Variants in SLC5A12 observed in about 807,000 individuals in gnomAD.
SLC5A12 encodes the protein solute carrier family 5 member 12, also known as sodium-coupled monocarboxylate transporter 2.
A neutral mutation model predicts 72.7 loss-of-function variants in SLC5A12; 46 were observed. The observed-to-expected ratio is 0.63, with a 90% CI of 0.50 to 0.81. The LOEUF (loss-of-function observed/expected upper bound fraction) is 0.81, where lower values mean the gene tolerates loss of function less well. Among genes scored for constraint, SLC5A12 ranks in the 30% least tolerant of loss-of-function variants. The pLI, the probability that SLC5A12 is intolerant of heterozygous loss-of-function variation, is 0.00. For missense variants in SLC5A12, 683 were observed against 740.7 expected (o/e 0.92, Z 0.90); for synonymous variants, 275 against 264.4 (o/e 1.04, Z -0.39).
upstream of SLC5A12, among the ~76,000 whole-genome samples, chr11:26,722,826 G>T (rs1350770426): frequency 6.7e-6 from 1 of 150,368 alleles, no homozygotes; most frequent in East Asian, 1.9e-4. Context: ...TCCTTCTTCA[G>T]TGGCCTTCTC....
intron 1 of SLC5A12, among the ~76,000 whole-genome samples, chr11:26,719,750 T>A (rs1220947102): frequency 6.6e-6 from 1 of 152,208 alleles, no homozygotes; most frequent in Non-Finnish European, 1.5e-5. Flanking sequence ...ATGATCACCC[T>A]CTATGAATAT....
rs1855493942 is a variant in SLC5A12, at chr11:26,722,045, C to A, written c.-331G>T. ...TTCAGATGTGTTCTGAAATTAATAA[C>A]CACTGGGGGTGGAATGGACTGGCCA... On this transcript the variant is annotated 5_prime_UTR_variant, in exon 1 of 15. Coordinates refer to ENST00000396005, the MANE Select transcript of SLC5A12 (RefSeq NM_178498.4). 1 of 263,260 alleles carries A rather than the reference C, an allele frequency of 3.8e-6. No homozygotes were observed. The highest frequency in any genetic ancestry group is 4.9e-5 in the Admixed American group (1 of 20,582). The allele number at this position is 263,260 out of a possible 1,614,324, so 16.3% of individuals were successfully genotyped here. A position where few individuals can be genotyped will look rare whatever the true frequency, so the allele number is the denominator to read the frequency against.
In SLC5A12 at chr11:26,721,847, A is replaced by G; in HGVS notation, c.-133T>C. 1.3e-6 allele frequency: 1 copy of G among 785,610 alleles called. No individual in the cohort carries two copies. The highest frequency in any genetic ancestry group is 2.5e-5 in the East Asian group (1 of 40,798). 48.7% of individuals were successfully genotyped at this position (785,610 alleles called of 1,614,324 possible). On this transcript the variant is annotated 5_prime_UTR_variant, in exon 1 of 15. Transcript: ENST00000396005. ...TGATTCCCTGAAGAAAATGATTACC[A>G]GAGGCACTCGTGTGAATCTTCAGAC...
chr11:26,715,614 C>T (rs553506480), intron 1 of SLC5A12, among the ~76,000 whole-genome samples: 1 of 152,244 alleles, frequency 6.6e-6, no homozygotes, highest in South Asian at 2.1e-4. Context: ...CATTCAAATC[C>T]TTGTTTCAGG....
rs751194097 is a variant in SLC5A12, at chr11:26,686,457, T to C, written c.1221+20A>G. 19 of 1,612,910 alleles carry C rather than the reference T, an allele frequency of 1.2e-5. No homozygotes were observed. In the East Asian group the frequency reaches 3.6e-4, roughly 30 times the overall value. On this transcript the variant is annotated intron_variant, in intron 10 of 14. Transcript: ENST00000396005. ...GGAAGTTCCAGTGAAACCAAATGTG[T>C]CTTTTCCTTCTTTCGTTACCTGCAC...
intron 12 of SLC5A12, among the ~76,000 whole-genome samples, chr11:26,680,708 T>A (rs1406408238): frequency 6.6e-6 from 1 of 152,096 alleles, no homozygotes; most frequent in Non-Finnish European, 1.5e-5. Flanking sequence ...ATAAGCATTA[T>A]CCTCATTGCT....
At chr11:26,691,763 AC>A (rs1157633110) in intron 9 of SLC5A12, 2 of 152,242 alleles carry the variant, frequency 1.3e-5, no homozygotes, top group South Asian at 2.1e-4. Context: ...TAAAAAGTAA[AC>A]CTTGTGAAAC....
intron 11 of SLC5A12, among the ~76,000 whole-genome samples, chr11:26,681,964 T>C (rs1170507076): frequency 6.6e-6 from 1 of 152,052 alleles, no homozygotes; most frequent in African/African-American, 2.4e-5. Flanking sequence ...TTCTCCATTA[T>C]TGTTTGAAGA....
chr11:26,698,344 C>A, intron 7 of SLC5A12, 62 bp downstream of exon 7: 1 of 1,576,318 alleles, frequency 6.3e-7, no homozygotes, highest in South Asian at 1.2e-5. Context: ...CAAGATTATC[C>A]ACCAATAGCT....
chr11:26,717,748 T>A (rs1016474385), intron 1 of SLC5A12, among the ~76,000 whole-genome samples: 5 of 152,184 alleles, frequency 3.3e-5, no homozygotes, highest in Non-Finnish European at 7.3e-5. Context: ...ATCAGGACTT[T>A]CATGTAGCTT....
At chr11:26,711,426 T>C (rs1855226457) in intron 2 of SLC5A12, 68 bp from the exon 3 acceptor site, 1 of 1,220,428 alleles carries the variant, frequency 8.2e-7, no homozygotes, top group South Asian at 1.3e-5. Context: ...GCCTAGAAAG[T>C]TCTTTATCGA....
At chr11:26,704,071 T>G (rs1319706973) in intron 4 of SLC5A12, 124 bp from the exon 5 acceptor site, 1 of 987,642 alleles carries the variant, frequency 1.0e-6, no homozygotes. Context: ...ACTGAGGATC[T>G]TTTATGTGCC....
At chr11:26,673,634 G>A in intron 13 of SLC5A12, 105 bp from the exon 14 acceptor site, 5 of 1,388,960 alleles carry the variant, frequency 3.6e-6, no homozygotes, top group Non-Finnish European at 1.9e-6. Flanking sequence ...TTTAGAATAA[G>A]AGTGAAAACA....
chr11:26,671,047 T>TGGTGTGTG lies in SLC5A12; in HGVS notation c.*54_*55insCACACACC. On this transcript the variant is annotated 3_prime_UTR_variant, in exon 15 of 15. Transcript: ENST00000396005. Reference sequence around the variant, plus strand: ...CAAGTAGGCAAGAAGTATGTGGAGTTTGTGTGTGTGTGTGTGTATTGCACG... The same window carrying TGGTGTGTG: ...CAAGTAGGCAAGAAGTATGTGGAGTTGGTGTGTGTGTGTGTGTGTGTGTGTATTGCACG... 4 of 1,354,116 alleles carry TGGTGTGTG rather than the reference T, an allele frequency of 3.0e-6. No homozygotes were observed. Among genetic ancestry groups the TGGTGTGTG allele is most frequent in the Non-Finnish European group, 4.0e-6 (4 of 991,516 alleles). 83.9% of individuals were successfully genotyped at this position (1,354,116 alleles called of 1,614,324 possible). A position where few individuals can be genotyped will look rare whatever the true frequency, so the allele number is the denominator to read the frequency against.
intron 12 of SLC5A12, 50 bp downstream of exon 12, chr11:26,681,005 C>G (rs1286906020): frequency 2.0e-6 from 3 of 1,470,068 alleles, no homozygotes; most frequent in Non-Finnish European, 2.7e-6. Flanking sequence ...CTCCCTCTTA[C>G]CAGGTGACCC....
intron 1 of SLC5A12, among the ~76,000 whole-genome samples, chr11:26,719,712 AG>A (rs1855433442): frequency 6.6e-6 from 1 of 152,074 alleles, no homozygotes; most frequent in Non-Finnish European, 1.5e-5. Context: ...GTCTCCATTT[AG>A]ACGTCTTATT....
At chr11:26,722,142 A>G (rs532571631), upstream of SLC5A12, 1 of 160,790 alleles carries the variant, frequency 6.2e-6, no homozygotes, top group East Asian at 1.8e-4. Flanking sequence ...CATAGAATTG[A>G]TAACAATTTA....
At position 26,706,074 on chromosome 11, in the gene SLC5A12, G is replaced by A. The variant is rs147370280; in HGVS notation, c.526-2127C>T. ...TCTAATGTTTGCCCTACTAAACTAC[G>A]GAACCCTGGATGGCAACAAACACTT... On this transcript the variant is annotated intron_variant, in intron 4 of 14. Transcript: ENST00000396005. 4.2e-3 allele frequency among the ~76,000 whole-genome samples: 642 copies of A among 151,816 alleles called. 5 individuals are homozygous for A. Among genetic ancestry groups the A allele is most frequent in the South Asian group, 8.3e-3 (40 of 4,808 alleles).
rs928766534 is a variant in SLC5A12 at position 26,668,065 on chromosome 11, TATTA to T, written c.*3033_*3036del. On this transcript the variant is annotated 3_prime_UTR_variant, in exon 15 of 15. Coordinates refer to ENST00000396005, the MANE Select transcript of SLC5A12 (RefSeq NM_178498.4). ...ATTAAGTAGGGGTAATTTTTACTCC[TATTA>T]ATTGGTGAATAAACTAAGATTTTAA... 7 of 152,028 alleles carry T rather than the reference TATTA, an allele frequency of 4.6e-5. No individual in the cohort carries two copies. Among genetic ancestry groups the T allele is most frequent in the African/African-American group, 1.7e-4 (7 of 41,426 alleles). The allele number at this position is 152,028 out of a possible 1,614,324, so 9.4% of individuals were successfully genotyped here.
Sources: allele counts gnomAD v4.1 joint callset (sites outside exome capture counted in the v4.1 genomes callset), GRCh38; gene constraint gnomAD v4.1.1; transcripts MANE v1.5; gene names NCBI Gene and HGNC (gene_info 2026-07-23, HGNC 2026-07-21).